KLC4: variants seen among roughly 807,000 people sequenced by gnomAD.
KLC4 encodes the protein kinesin-like protein 8.
KLC4 carries 49 observed loss-of-function variants against 77.2 expected under a neutral mutation model. The ratio of observed to expected loss-of-function variants is 0.63; its 90% CI spans 0.50 to 0.80. The LOEUF is 0.80. Among genes scored for constraint, KLC4 ranks in the 30% least tolerant of loss-of-function variants. KLC4 has a pLI of 0.00. For synonymous variants in KLC4, 274 were observed against 314.5 expected (o/e 0.87, Z 1.36); for missense variants, 669 against 793.5 (o/e 0.84, Z 1.89).
chr6:43,071,233 C>A, intron 8 of KLC4, 42 bp from the exon 9 acceptor site: 3 of 1,256,394 alleles, frequency 2.4e-6, no homozygotes, highest in Non-Finnish European at 1.2e-6. Context: ...CCTTGCCTCC[C>A]TCCATGTTTT....
At chr6:43,061,175 A>ACT in intron 1 of KLC4, 136 bp from the exon 2 acceptor site, 5 of 873,230 alleles carry the variant, frequency 5.7e-6, no homozygotes, top group Admixed American at 2.6e-5. Flanking sequence ...CCTGCTGGTC[A>ACT]CTCTCTCTCT....
intron 2 of KLC4, 79 bp downstream of exon 2, chr6:43,061,672 G>C (rs1765171544): frequency 2.2e-6 from 3 of 1,391,656 alleles, no homozygotes; most frequent in Non-Finnish European, 2.0e-6. Context: ...GGGGCTGCTT[G>C]GGATCACCTC....
intron 5 of KLC4, 34 bp downstream of exon 5, chr6:43,066,559 C>A (rs1384617770): frequency 6.4e-7 from 1 of 1,555,448 alleles, no homozygotes. Flanking sequence ...CCCAGATCTT[C>A]CCCCACATTC....
At position 43,061,267 on chromosome 6, in the gene KLC4, C is replaced by T. The variant is rs745311402; in HGVS notation, c.-25-44C>T. ...TCTCTGAGAAAGTTGCTCAGCTTCT[C>T]TGTCTCATCTTTACACCAGCTGAAC... On this transcript the variant is annotated intron_variant, in intron 1 of 15. Transcript: ENST00000347162. 30 of 1,565,294 alleles carry T rather than the reference C, an allele frequency of 1.9e-5. 1 individual carries two copies. The highest frequency in any genetic ancestry group is 9.4e-5 in the South Asian group (8 of 84,740).
At position 43,071,553 on chromosome 6, in the gene KLC4, T is replaced by G. The variant is rs1315264002; in HGVS notation, c.1256-14T>G. On this transcript the variant is annotated splice_polypyrimidine_tract_variant and intron_variant, in intron 9 of 15. Coordinates refer to ENST00000347162, the MANE Select transcript of KLC4 (RefSeq NM_201521.3). ...TCCCATCTCTAACCTCCCCACCCCATGTATCACCCCTAGATGACCACAAGC... is the reference window on the plus strand; with the variant it reads ...TCCCATCTCTAACCTCCCCACCCCAGGTATCACCCCTAGATGACCACAAGC... 6.2e-7 allele frequency: 1 copy of G among 1,611,460 alleles called. No homozygotes were observed. The highest frequency in any genetic ancestry group is 8.5e-7 in the Non-Finnish European group (1 of 1,178,428).
intron 8 of KLC4, 106 bp from the exon 9 acceptor site, chr6:43,071,169 G>A (rs1765701988): frequency 2.9e-6 from 2 of 692,688 alleles, no homozygotes; most frequent in Non-Finnish European, 4.9e-6. Flanking sequence ...ACTGAGAAGT[G>A]GAACTCCCTG....
Position 43,070,388 on chromosome 6 carries a change from A to G in KLC4, c.914A>G (p.Tyr305Cys), listed in dbSNP as rs1227104134. The G allele has an allele frequency of 4.3e-6, 7 of 1,614,010 alleles. No individual in the cohort carries two copies. In the Admixed American group the frequency reaches 5.0e-5, roughly 12 times the overall value. The change falls in exon 7 of 16, where the codon TAT becomes TGT. Residue 305 changes from tyrosine (Y) to cysteine (C), a missense_variant. Physicochemically the swap from Tyr to Cys is radical, Grantham distance 194 (BLOSUM62 -2). Transcript: ENST00000347162. ...AATLNNLAVL[Y>C]GKRGKYKEAE... ...ACACTCAACAATTTGGCTGTGCTCT[A>G]TGGCAAAAGGGGCAAGTACAAGGAG...
intron 15 of KLC4, chr6:43,074,223 A>T (rs1765865144): frequency 2.2e-6 from 1 of 463,640 alleles, no homozygotes; most frequent in Non-Finnish European, 3.8e-6. Flanking sequence ...GGTACTTTGG[A>T]ATTATGAATA....
At chr6:43,066,927 C>A in intron 5 of KLC4, 69 bp from the exon 6 acceptor site, 1 of 1,565,896 alleles carries the variant, frequency 6.4e-7, no homozygotes, top group Non-Finnish European at 8.7e-7. Context: ...TCAGTCCTTC[C>A]AAAGGGAAGG....
intron 5 of KLC4, 84 bp downstream of exon 5, chr6:43,066,609 C>T: frequency 8.2e-7 from 1 of 1,222,260 alleles, no homozygotes; most frequent in Non-Finnish European, 1.2e-6. Flanking sequence ...TTCCTCTTTA[C>T]AGGGTACCTC....
At chr6:43,070,575 C>A in intron 7 of KLC4, 117 bp from the exon 8 acceptor site, 1 of 1,413,822 alleles carries the variant, frequency 7.1e-7, no homozygotes, top group South Asian at 1.3e-5. Flanking sequence ...TTTGTTCTCT[C>A]TTCCTTCATT....
At chr6:43,062,215 A>G (rs1300441899) in intron 2 of KLC4, among the ~76,000 whole-genome samples, 1 of 152,218 alleles carries the variant, frequency 6.6e-6, no homozygotes, top group Non-Finnish European at 1.5e-5. Context: ...GAGATGGATC[A>G]AGTGGAACTT....
At chr6:43,073,128 G>C in intron 13 of KLC4, 95 bp from the exon 14 acceptor site, 1 of 1,312,096 alleles carries the variant, frequency 7.6e-7, no homozygotes, top group Non-Finnish European at 1.1e-6. Context: ...GGCCTTGGGG[G>C]TGGGGGATGT....
intron 11 of KLC4, 76 bp from the exon 12 acceptor site, chr6:43,072,069 CTT>C (rs1765757925): frequency 1.4e-6 from 2 of 1,430,684 alleles, no homozygotes; most frequent in Non-Finnish European, 9.8e-7. Context: ...TTTTTTTCCT[CTT>C]GTCTTGCTTG....
chr6:43,067,652 G>A (rs999894653), intron 6 of KLC4, among the ~76,000 whole-genome samples: 5 of 151,292 alleles, frequency 3.3e-5, no homozygotes, highest in African/African-American at 4.9e-5. Context: ...AAAAAATGCC[G>A]GGCGTGGTGG....
chr6:43,073,830 C>A, intron 14 of KLC4, 72 bp from the exon 15 acceptor site: 1 of 1,378,782 alleles, frequency 7.3e-7, no homozygotes, highest in Non-Finnish European at 1.0e-6. Flanking sequence ...TGGCAGTGCT[C>A]AAGAGGCCCA....
At chr6:43,068,066 C>A (rs1236155513) in intron 6 of KLC4, among the ~76,000 whole-genome samples, 3 of 99,928 alleles carry the variant, frequency 3.0e-5, no homozygotes, top group Non-Finnish European at 5.4e-5. Context: ...GAGCCGAGAT[C>A]CCGCCACTGC....
chr6:43,060,571 G>A (rs1234698909), intron 1 of KLC4: 7 of 1,227,144 alleles, frequency 5.7e-6, no homozygotes, highest in Non-Finnish European at 6.2e-6. Context: ...GCTCTGGCCT[G>A]AGTGCCACAG....
In KLC4 at chr6:43,072,249, G is replaced by C. The variant is rs1036434768; in HGVS notation, c.1482G>C (p.Arg494=). 1.9e-6 allele frequency: 3 copies of C among 1,613,524 alleles called. No homozygotes were observed. The highest frequency in any genetic ancestry group is 1.3e-5 in the African/African-American group (1 of 75,034). ...TGGAGGAATGTGCCCTGCGGTCCCG[G>C]AGACAGGTCAGAAGCCCAGAGGGGA... The part of the protein sequence containing the change: ...ETLEECALRS[R]RQGTDPISQT... Residue 494 remains arginine, a synonymous_variant, in exon 12 of 16, where the codon CGG becomes CGC. Coordinates refer to ENST00000347162, the MANE Select transcript of KLC4 (RefSeq NM_201521.3).
Sources: allele counts gnomAD v4.1 joint callset (sites outside exome capture counted in the v4.1 genomes callset), GRCh38; gene constraint gnomAD v4.1.1; transcripts MANE v1.5; gene names NCBI Gene and HGNC (gene_info 2026-07-23, HGNC 2026-07-21).